The following DNAAF11 variants were observed in gnomAD, a reference collection of about 807,000 sequenced individuals.
DNAAF11 encodes leucine rich repeat containing 6.
A neutral mutation model predicts 60.8 loss-of-function variants in DNAAF11; 45 were observed. The observed-to-expected ratio is 0.74, with a 90% CI of 0.58 to 0.95. DNAAF11 has a LOEUF of 0.95. Ranked by LOEUF, DNAAF11 falls within the 40% of genes least tolerant of loss-of-function variation. DNAAF11 has a pLI of 0.00. For missense variants in DNAAF11, 546 were observed against 546.2 expected (o/e 1.00, Z 0.00); for synonymous variants, 191 against 183.5 (o/e 1.04, Z -0.33).
chr8:132,630,931 G>A (rs1820736933), intron 5 of DNAAF11, among the ~76,000 whole-genome samples: 1 of 152,066 alleles, frequency 6.6e-6, no homozygotes, highest in South Asian at 2.1e-4. Flanking sequence ...GTTGATATAT[G>A]AGTATAAATT....
At chr8:132,623,384 A>T (rs932078369) in intron 6 of DNAAF11, among the ~76,000 whole-genome samples, 2 of 152,124 alleles carry the variant, frequency 1.3e-5, no homozygotes, top group Admixed American at 1.3e-4. Flanking sequence ...AAGACCCCAA[A>T]TCCTACATTT....
chr8:132,666,823 C>T (rs1232955545), intron 1 of DNAAF11, among the ~76,000 whole-genome samples: 3 of 152,146 alleles, frequency 2.0e-5, no homozygotes, highest in Admixed American at 6.5e-5. Context: ...AGTGTGCATA[C>T]CACTCGGGTC....
chr8:132,702,631 A>G, the DNAAF11 span, among the ~76,000 whole-genome samples: 1 of 152,198 alleles, frequency 6.6e-6, no homozygotes, highest in Non-Finnish European at 1.5e-5. Context: ...AAAGCTTATG[A>G]TCTAGCACTG....
At chr8:132,633,485 G>T (rs1472717615) in intron 4 of DNAAF11, among the ~76,000 whole-genome samples, 1 of 152,104 alleles carries the variant, frequency 6.6e-6, no homozygotes, top group Non-Finnish European at 1.5e-5. Context: ...TAAAATAAAA[G>T]CATCAACTAA....
At chr8:132,645,738 T>C (rs1822316091) in intron 3 of DNAAF11, among the ~76,000 whole-genome samples, 1 of 152,082 alleles carries the variant, frequency 6.6e-6, no homozygotes, top group South Asian at 2.1e-4. Flanking sequence ...GGGGTATCAG[T>C]GACTGAAGAT....
chr8:132,636,193 T>C (rs1402901676), intron 4 of DNAAF11, among the ~76,000 whole-genome samples: 1 of 150,910 alleles, frequency 6.6e-6, no homozygotes, highest in Non-Finnish European at 1.5e-5. Context: ...CAACCTATTT[T>C]TACATAGTAG....
At position 132,661,473 on chromosome 8, in the gene DNAAF11, A is replaced by T; in HGVS notation, c.165T>A (p.Leu55=). The stretch of plus-strand genomic sequence containing the variant: ...ACTGAAACTTACCAATTTTCCCAAT[A>T]AGATTATTTTGAAGATAGAGAATTT... The part of the protein sequence containing the change: ...DLKILYLQNN[L]IGKIENVSKL... Residue 55 remains leucine, a synonymous_variant, in exon 2 of 12, where the codon CTT becomes CTA. Coordinates refer to ENST00000620350, the MANE Select transcript of DNAAF11 (RefSeq NM_012472.6). The T allele has an allele frequency of 6.2e-7, 1 of 1,611,882 alleles. No homozygotes were observed. Among genetic ancestry groups the T allele is most frequent in the Non-Finnish European group, 8.5e-7 (1 of 1,178,854 alleles).
At chr8:132,605,662 G>C (rs1233605824) in intron 10 of DNAAF11, among the ~76,000 whole-genome samples, 1 of 152,158 alleles carries the variant, frequency 6.6e-6, no homozygotes, top group Admixed American at 6.6e-5. Flanking sequence ...AGCAGGAACA[G>C]GAGATTTAGA....
chr8:132,662,972 G>T (rs1824278816), intron 1 of DNAAF11, among the ~76,000 whole-genome samples: 1 of 152,224 alleles, frequency 6.6e-6, no homozygotes, highest in South Asian at 2.1e-4. Flanking sequence ...ACTTCTAGTG[G>T]TAGGAGATAC....
the DNAAF11 span, among the ~76,000 whole-genome samples, chr8:132,686,329 G>A: frequency 6.6e-6 from 1 of 152,144 alleles, no homozygotes; most frequent in African/African-American, 2.4e-5. Context: ...AGGCAGGGGA[G>A]CAGGGAGGAA....
Position 132,675,523 on chromosome 8 carries a change from G to A in DNAAF11, c.-30C>T, listed in dbSNP as rs1407964608. ...CCTCTCCAGTTCGCTGACCCCGCAA[G>A]CCGGACCCGGACCTCGAATGACGCT... On this transcript the variant is annotated 5_prime_UTR_variant, in exon 1 of 12. Coordinates refer to ENST00000620350, the MANE Select transcript of DNAAF11 (RefSeq NM_012472.6). 1.9e-6 allele frequency: 3 copies of A among 1,554,358 alleles called. No homozygotes were observed. The highest frequency in any genetic ancestry group is 2.6e-6 in the Non-Finnish European group (3 of 1,145,484).
At chr8:132,675,572 C>A, upstream of DNAAF11, 1 of 1,403,984 alleles carries the variant, frequency 7.1e-7, no homozygotes, top group Non-Finnish European at 9.6e-7. Flanking sequence ...CCCTGCTCCT[C>A]AGCGCGTCCC....
chr8:132,570,716 C>T lies in DNAAF11; in HGVS notation c.*1590G>A, dbSNP rs1814100895. On this transcript the variant is annotated 3_prime_UTR_variant, in exon 12 of 12. Transcript: ENST00000620350. ...TGCAGAGGGACCCAGCCTGCTGCAG[C>T]TGATCCTTGATCTCCACCACTGTGT... Among the ~76,000 whole-genome samples the T allele has an allele frequency of 1.3e-5, 2 of 152,210 alleles. No homozygotes were observed. Among genetic ancestry groups the T allele is most frequent in the South Asian group, 4.1e-4 (2 of 4,826 alleles).
At chr8:132,647,421 T>A (rs1822511317) in intron 3 of DNAAF11, among the ~76,000 whole-genome samples, 1 of 151,958 alleles carries the variant, frequency 6.6e-6, no homozygotes, top group South Asian at 2.1e-4. Context: ...AGCAGAAAGA[T>A]CTAAAATTGA....
At chr8:132,673,177 G>A (rs1264611947) in intron 1 of DNAAF11, among the ~76,000 whole-genome samples, 1 of 152,170 alleles carries the variant, frequency 6.6e-6, no homozygotes, top group African/African-American at 2.4e-5. Flanking sequence ...GCGGCAGTGC[G>A]GTGTAATGCA....
At chr8:132,601,779 C>T (rs971083653) in intron 10 of DNAAF11, among the ~76,000 whole-genome samples, 7 of 151,596 alleles carry the variant, frequency 4.6e-5, no homozygotes, top group East Asian at 1.9e-4. Flanking sequence ...TCATGGGGTG[C>T]GGGGAGGGTG....
chr8:132,578,730 A>G (rs1032073715), intron 11 of DNAAF11, among the ~76,000 whole-genome samples: 5 of 152,222 alleles, frequency 3.3e-5, no homozygotes, highest in Admixed American at 2.0e-4. Flanking sequence ...ATCATGAAAG[A>G]CTTGATAAAA....
intron 5 of DNAAF11, among the ~76,000 whole-genome samples, chr8:132,630,390 G>A (rs775669114): frequency 4.6e-5 from 7 of 152,120 alleles, no homozygotes; most frequent in Non-Finnish European, 8.8e-5. Context: ...CAATGGTGCA[G>A]ACAATTAGCT....
rs1820952510 is a variant in DNAAF11 at position 132,632,945 on chromosome 8, T to C, written c.448A>G (p.Ile150Val). Residue 150 changes from isoleucine to valine, a missense_variant, in exon 5 of 12, where the codon ATA (isoleucine) becomes GTA (valine). Ile to Val is a conservative substitution (Grantham distance 29, BLOSUM62 3). Transcript: ENST00000620350. ...PQLKWLDGKEIEPSERIKALQ... is the reference protein window; with the variant it reads ...PQLKWLDGKEVEPSERIKALQ... Reference sequence around the variant, plus strand: ...GCCTTAATCCTTTCTGAAGGCTCTATTTCTTTACCATCCAACCACTTAAAG... The same window carrying C: ...GCCTTAATCCTTTCTGAAGGCTCTACTTCTTTACCATCCAACCACTTAAAG... 6.2e-7 allele frequency: 1 copy of C among 1,612,198 alleles called. No homozygotes were observed. Among genetic ancestry groups the C allele is most frequent in the Non-Finnish European group, 8.5e-7 (1 of 1,178,632 alleles).
Sources: gnomAD v4.1 joint callset for allele counts (sites outside exome capture counted in the v4.1 genomes callset) on GRCh38, gnomAD v4.1.1 for gene constraint, MANE v1.5 for transcripts, NCBI Gene and HGNC (gene_info 2026-07-23, HGNC 2026-07-21) for gene names.